Variants in MTREX observed in about 807,000 individuals in gnomAD.
MTREX encodes Mtr4 exosome RNA helicase, also known as exosome RNA helicase MTR4.
MTREX carries 76 observed loss-of-function variants against 135.4 expected under a neutral mutation model. The observed-to-expected ratio is 0.56, with a 90% CI of 0.47 to 0.68. The LOEUF is 0.68. Among genes scored for constraint, MTREX ranks in the 30% least tolerant of loss-of-function variants. MTREX has a pLI of 0.00. For synonymous variants in MTREX, 404 were observed against 401.6 expected, an observed-to-expected ratio of 1.01 and a Z score of -0.07; for missense variants, 920 against 1,262.1, an observed-to-expected ratio of 0.73 and a Z score of 4.11.
In MTREX at chr5:55,387,642, T is replaced by C. The variant is rs536654697; in HGVS notation, c.2053-332T>C. ...ATAAAATAATCTATTCTCAATCTATTATGTTAGAGTGATTTGAAGATGCAA... is the reference window on the plus strand; with the variant it reads ...ATAAAATAATCTATTCTCAATCTATCATGTTAGAGTGATTTGAAGATGCAA... On this transcript the variant is annotated intron_variant, in intron 18 of 26. Transcript: ENST00000230640. 1.8e-3 allele frequency among the ~76,000 whole-genome samples: 281 copies of C among 152,208 alleles called. 1 individual carries two copies. The highest frequency in any genetic ancestry group is 1.5e-3 in the Non-Finnish European group (101 of 67,922).
chr5:55,364,866 A>G (rs1750075253), intron 15 of MTREX, among the ~76,000 whole-genome samples: 1 of 152,250 alleles, frequency 6.6e-6, no homozygotes, highest in South Asian at 2.1e-4. Context: ...TATATGTGAA[A>G]GAGAAAGTTG....
chr5:55,405,831 T>G (rs1177791792), intron 22 of MTREX, among the ~76,000 whole-genome samples: 1 of 152,082 alleles, frequency 6.6e-6, no homozygotes, highest in Non-Finnish European at 1.5e-5. Context: ...CTAAATACAG[T>G]TTTGAACCAT....
intron 19 of MTREX, among the ~76,000 whole-genome samples, chr5:55,393,174 C>G (rs1262096046): frequency 6.6e-6 from 1 of 152,182 alleles, no homozygotes; most frequent in African/African-American, 2.4e-5. Context: ...AAATTTGCCA[C>G]AAAGCTTGTT....
intron 21 of MTREX, 193 bp from the exon 22 acceptor site, chr5:55,405,232 A>G: frequency 2.1e-6 from 1 of 470,728 alleles, no homozygotes; most frequent in Non-Finnish European, 3.8e-6. Flanking sequence ...ATACATCATT[A>G]CTCTTGTGTA....
At chr5:55,379,786 C>T (rs147595411) in intron 18 of MTREX, among the ~76,000 whole-genome samples, 2 of 152,314 alleles carry the variant, frequency 1.3e-5, no homozygotes, top group East Asian at 1.9e-4. Flanking sequence ...TGGACATTTA[C>T]GTAACCCAAG....
intron 15 of MTREX, among the ~76,000 whole-genome samples, chr5:55,361,710 G>A (rs1222760953): frequency 4.6e-5 from 7 of 150,844 alleles, no homozygotes; most frequent in African/African-American, 1.2e-4. Context: ...TGCCTGCCTC[G>A]GCCCCCCAGA....
Position 55,349,637 on chromosome 5 carries a change from T to TA in MTREX, c.1311dup (p.Leu438ThrfsTer36), listed in dbSNP as rs2112068239. On this transcript the variant is annotated frameshift_variant, in exon 12 of 27. Coordinates refer to ENST00000230640, the MANE Select transcript of MTREX (RefSeq NM_015360.5). LOFTEE classifies it high-confidence loss of function. The stretch of plus-strand genomic sequence containing the variant: ...CAATTGATTGCTTATCCGATGAAGA[T>TA]AAAAAACTCCCTCAGGTGAGTTTTC... 1.9e-6 allele frequency: 3 copies of TA among 1,591,542 alleles called. No homozygotes were observed. Among genetic ancestry groups the TA allele is most frequent in the East Asian group, 2.2e-5 (1 of 44,716 alleles).
intron 11 of MTREX, among the ~76,000 whole-genome samples, chr5:55,347,595 C>T (rs1749759241): frequency 6.6e-6 from 1 of 152,190 alleles, no homozygotes; most frequent in African/African-American, 2.4e-5. Context: ...AGTGATATAA[C>T]TTCTAGCAAA....
intron 5 of MTREX, among the ~76,000 whole-genome samples, chr5:55,338,730 A>G (rs1477993006): frequency 7.1e-6 from 1 of 141,628 alleles, no homozygotes; most frequent in East Asian, 2.1e-4. Context: ...AAATCTGCTT[A>G]TGGGCCCATC....
At position 55,397,499 on chromosome 5, in the gene MTREX, TAGAC is replaced by T. The variant is rs1561208055; in HGVS notation, c.2269_2272del (p.Gln757ValfsTer3). 5 of 1,607,644 alleles carry T rather than the reference TAGAC, an allele frequency of 3.1e-6. No homozygotes were observed. The highest frequency in any genetic ancestry group is 1.7e-5 in the Admixed American group (1 of 59,896). The stretch of plus-strand genomic sequence containing the variant: ...CTAAAGACCTTCGGCCGGTGGACAA[TAGAC>T]AGAGTGTTTTAAAATCAATACAGGT... On this transcript the variant is annotated frameshift_variant, in exon 20 of 27. Transcript: ENST00000230640. LOFTEE classifies it high-confidence loss of function.
chr5:55,362,930 G>GTTA (rs773081756), intron 15 of MTREX, among the ~76,000 whole-genome samples: 3 of 152,038 alleles, frequency 2.0e-5, no homozygotes, highest in Non-Finnish European at 4.4e-5. Context: ...TTGAGTAAAT[G>GTTA]TTATTATTGG....
intron 13 of MTREX, among the ~76,000 whole-genome samples, chr5:55,351,842 CTTTT>C (rs754738083): frequency 1.4e-5 from 2 of 139,384 alleles, no homozygotes; most frequent in African/African-American, 2.6e-5. Context: ...ATGACTCATA[CTTTT>C]TTTTTTTTTT....
intron 19 of MTREX, among the ~76,000 whole-genome samples, chr5:55,394,546 C>G (rs1579890769): frequency 6.6e-6 from 1 of 152,098 alleles, no homozygotes; most frequent in African/African-American, 2.4e-5. Flanking sequence ...ACCTAGATCC[C>G]TTGCATGTGC....
intron 20 of MTREX, among the ~76,000 whole-genome samples, chr5:55,398,582 T>C (rs2111587173): frequency 6.6e-6 from 1 of 152,368 alleles, no homozygotes; most frequent in Non-Finnish European, 1.5e-5. Context: ...ATTTTCAGAA[T>C]AGCACAGTTT....
At chr5:55,420,912 G>T (rs988149664) in intron 25 of MTREX, among the ~76,000 whole-genome samples, 11 of 152,066 alleles carry the variant, frequency 7.2e-5, no homozygotes, top group African/African-American at 2.4e-4. Context: ...ATATAAAAAA[G>T]GGCAGTAACT....
chr5:55,414,130 C>A (rs1483187669), intron 23 of MTREX, 52 bp from the exon 24 acceptor site: 2 of 1,339,950 alleles, frequency 1.5e-6, no homozygotes, highest in Non-Finnish European at 2.0e-6. Flanking sequence ...GTGTGAAAAA[C>A]CAGTAACTTT....
chr5:55,330,958 G>A (rs1749465810), intron 5 of MTREX, among the ~76,000 whole-genome samples: 1 of 151,160 alleles, frequency 6.6e-6, no homozygotes, highest in African/African-American at 2.4e-5. Context: ...TTTTATTGCA[G>A]TGTCTTAATC....
At chr5:55,361,912 G>GTTTGTT (rs1554032681) in intron 15 of MTREX, among the ~76,000 whole-genome samples, 7 of 150,510 alleles carry the variant, frequency 4.7e-5, no homozygotes, top group Admixed American at 6.6e-5. Flanking sequence ...TTGTTTGTTT[G>GTTTGTT]TTTGTTTTTG....
In MTREX at chr5:55,413,558, G is replaced by T. The variant is rs1166670865; in HGVS notation, c.2752-624G>T. Among the ~76,000 whole-genome samples, 9 of 152,222 alleles carry T rather than the reference G, an allele frequency of 5.9e-5. No homozygotes were observed. In the East Asian group the frequency reaches 1.7e-3, roughly 29 times the overall value. The stretch of plus-strand genomic sequence containing the variant: ...CCAGTACACAGAATTTAAGCAGCTT[G>T]TCCAACTTAATTTGGCTACTTAGTG... On this transcript the variant is annotated intron_variant, in intron 23 of 26. Transcript: ENST00000230640.
Sources: gnomAD v4.1 joint callset for allele counts (sites outside exome capture counted in the v4.1 genomes callset) on GRCh38, gnomAD v4.1.1 for gene constraint, MANE v1.5 for transcripts, NCBI Gene and HGNC (gene_info 2026-07-23, HGNC 2026-07-21) for gene names.